Variants in KCNC3 observed in about 807,000 individuals in gnomAD.
KCNC3 encodes the protein voltage-gated potassium channel KCNC3.
In KCNC3, 22 loss-of-function variants were observed where a neutral mutation model predicts 43.9. The ratio of observed to expected loss-of-function variants is 0.50; its 90% CI spans 0.36 to 0.72. The LOEUF is 0.72. Among genes scored for constraint, KCNC3 ranks in the 30% least tolerant of loss-of-function variants. The pLI is 0.00. For synonymous variants in KCNC3, 492 were observed against 488.0 expected, an observed-to-expected ratio of 1.01 and a Z score of -0.11; for missense variants, 829 against 1,073.8, an observed-to-expected ratio of 0.77 and a Z score of 3.19.
chr19:50,320,533 T>TC lies in KCNC3; in HGVS notation c.2170+59dup, dbSNP rs2037016802. ...TCCTCCCCCATCCCCCTCTCCTCCC[T>TC]CCCCTGGGCAGGGGAGAGAGAGGGA... On this transcript the variant is annotated intron_variant, in intron 3 of 4. Transcript: ENST00000477616. 27 of 1,502,800 alleles carry TC rather than the reference T, an allele frequency of 1.8e-5. No homozygotes were observed. The South Asian group carries it at 3.0e-4, about 17-fold the overall frequency. The allele number at this position is 1,502,800 out of a possible 1,614,324, so 93.1% of individuals were successfully genotyped here.
At position 50,314,016 on chromosome 19, in the gene KCNC3, G is replaced by C. The variant is rs987497089; in HGVS notation, c.*2099C>G. On this transcript the variant is annotated 3_prime_UTR_variant, in exon 5 of 5. Transcript: ENST00000477616. ...CATGTCCTGGGAATGGAGGGAGATA[G>C]TCGGGGAATTTCGTGTGCTAGGGCC... is the stretch of plus-strand genomic sequence containing the variant. The C allele has an allele frequency of 6.6e-6, 1 of 152,176 alleles. No homozygotes were observed. The highest frequency in any genetic ancestry group is 2.4e-5 in the African/African-American group (1 of 41,370). 9.4% of individuals were successfully genotyped at this position (152,176 alleles called of 1,614,324 possible). A position where few individuals can be genotyped will look rare whatever the true frequency, so the allele number is the denominator to read the frequency against.
chr19:50,320,534 C>T, intron 3 of KCNC3, 59 bp downstream of exon 3: 1 of 1,521,868 alleles, frequency 6.6e-7, no homozygotes, highest in Non-Finnish European at 9.0e-7. Flanking sequence ...TCTCCTCCCT[C>T]CCCTGGGCAG....
intron 4 of KCNC3, among the ~76,000 whole-genome samples, chr19:50,317,284 G>A (rs1478208050): frequency 1.3e-5 from 2 of 152,084 alleles, no homozygotes; most frequent in African/African-American, 4.8e-5. Context: ...TAGGAGCCCG[G>A]AAGCCTGGGG....
intron 1 of KCNC3, among the ~76,000 whole-genome samples, chr19:50,326,921 G>GC (rs1467246563): frequency 7.4e-6 from 1 of 135,892 alleles, no homozygotes; most frequent in Admixed American, 7.4e-5. Context: ...GTTTTGCACG[G>GC]CGGGGGGGGA....
upstream of KCNC3, among the ~76,000 whole-genome samples, chr19:50,333,119 TC>T: frequency 6.6e-6 from 1 of 152,222 alleles, no homozygotes; most frequent in Non-Finnish European, 1.5e-5. Flanking sequence ...GTCCCCCGTC[TC>T]CAAAACTAGG....
At chr19:50,322,432 G>A (rs1601097135) in intron 2 of KCNC3, among the ~76,000 whole-genome samples, 1 of 151,938 alleles carries the variant, frequency 6.6e-6, no homozygotes, top group East Asian at 1.9e-4. Flanking sequence ...CTGCCTCTTG[G>A]GCTTGCTGTC....
At chr19:50,326,287 G>A (rs906902175) in intron 1 of KCNC3, among the ~76,000 whole-genome samples, 1 of 152,190 alleles carries the variant, frequency 6.6e-6, no homozygotes, top group Non-Finnish European at 1.5e-5. Context: ...CCTCATCTCA[G>A]CACCCTTCAA....
intron 1 of KCNC3, among the ~76,000 whole-genome samples, chr19:50,325,839 C>A (rs1211393110): frequency 6.6e-6 from 1 of 151,996 alleles, no homozygotes; most frequent in East Asian, 1.9e-4. Flanking sequence ...GCCTATTCAA[C>A]GCGCAGCCGC....
chr19:50,328,418 C>A lies in KCNC3; in HGVS notation c.665G>T (p.Gly222Val). The A allele has an allele frequency of 6.7e-7, 1 of 1,502,300 alleles. No homozygotes were observed. The highest frequency in any genetic ancestry group is 2.6e-5 in the East Asian group (1 of 38,014). 93.1% of individuals were successfully genotyped at this position (1,502,300 alleles called of 1,614,324 possible). Residue 222 changes from glycine (G) to valine (V), a missense_variant, in exon 1 of 5, where the codon GGA becomes GTA. This residue lies in a region of KCNC3 where 121 missense variants were observed against 247.4 expected (regional missense o/e 0.49). Transcript: ENST00000477616. ...NAANAAGAHD[G>V]GLDDEAGAGG... ...CGCGCCCGCCTCGTCGTCCAGGCCT[C>A]CGTCGTGGGCGCCTGCGGCGTTGGC...
chr19:50,333,518 C>G (rs2037210944), upstream of KCNC3: 1 of 201,754 alleles, frequency 5.0e-6, no homozygotes, highest in Non-Finnish European at 1.1e-5. Flanking sequence ...CGCGACCTGT[C>G]GCCTCCCACG....
intron 2 of KCNC3, 141 bp downstream of exon 2, chr19:50,322,834 C>G (rs564459663): frequency 1.3e-6 from 1 of 761,658 alleles, no homozygotes; most frequent in Admixed American, 2.9e-5. Flanking sequence ...CCTCCTTCTT[C>G]GCCTGAGCTC....
chr19:50,328,894 G>GCAGCCCGGGGCA lies in KCNC3; in HGVS notation c.188_189insTGCCCCGGGCTG (p.Asp63_Arg64insAlaProGlyCys). ...GCCCGGGGCATGGCTCGGCGCGCCGGTCCCCGGGCCCGCGGGGTGCCGGGG... is the reference window on the plus strand; with the variant it reads ...GCCCGGGGCATGGCTCGGCGCGCCGGCAGCCCGGGGCATCCCCGGGCCCGCGGGGTGCCGGGG... On this transcript the variant is annotated inframe_insertion, in exon 1 of 5. Coordinates refer to ENST00000477616, the MANE Select transcript of KCNC3 (RefSeq NM_004977.3). 1 of 992,650 alleles carries GCAGCCCGGGGCA rather than the reference G, an allele frequency of 1.0e-6. No individual in the cohort carries two copies. Among genetic ancestry groups the GCAGCCCGGGGCA allele is most frequent in the Non-Finnish European group, 1.2e-6 (1 of 830,164 alleles). 61.5% of individuals were successfully genotyped at this position (992,650 alleles called of 1,614,324 possible). A position where few individuals can be genotyped will look rare whatever the true frequency, so the allele number is the denominator to read the frequency against.
In KCNC3 at chr19:50,320,582, G is replaced by T; in HGVS notation, c.2170+11C>A. ...GAGGGTCCCAGGGGATCAGTAGGGGGGGCACCTCACCTTTTCGGATGGAGC... is the reference window on the plus strand; with the variant it reads ...GAGGGTCCCAGGGGATCAGTAGGGGTGGCACCTCACCTTTTCGGATGGAGC... On this transcript the variant is annotated intron_variant, in intron 3 of 4. Transcript: ENST00000477616. The T allele has an allele frequency of 6.2e-7, 1 of 1,609,044 alleles. No individual in the cohort carries two copies. The highest frequency in any genetic ancestry group is 8.5e-7 in the Non-Finnish European group (1 of 1,178,400).
upstream of KCNC3, among the ~76,000 whole-genome samples, chr19:50,330,083 A>G (rs532201430): frequency 9.2e-5 from 14 of 152,214 alleles, no homozygotes; most frequent in South Asian, 2.5e-3. Flanking sequence ...CCCGGCCAAA[A>G]TGGTGAAGCC....
intron 1 of KCNC3, 97 bp downstream of exon 1, chr19:50,328,116 A>T: frequency 1.1e-6 from 1 of 885,074 alleles, no homozygotes; most frequent in African/African-American, 2.1e-5. Flanking sequence ...AGAAGCCTAG[A>T]GGGACCCGGA....
Position 50,324,760 on chromosome 19 carries a change from C to A in KCNC3, c.871-678G>T, listed in dbSNP as rs1329313514. Among the ~76,000 whole-genome samples the A allele has an allele frequency of 6.6e-6, 1 of 152,068 alleles. No homozygotes were observed. The highest frequency in any genetic ancestry group is 1.5e-5 in the Non-Finnish European group (1 of 68,016). Reference sequence around the variant, plus strand: ...CAGTGCCTGGAACACAGTAAGAAGACCTGAGCTGTTGTTAGGGTATGCAGG... The same window carrying A: ...CAGTGCCTGGAACACAGTAAGAAGAACTGAGCTGTTGTTAGGGTATGCAGG... On this transcript the variant is annotated intron_variant, in intron 1 of 4. Transcript: ENST00000477616. The surrounding 1 kb of genome is among the most constrained non-coding windows in gnomAD (Gnocchi z 4.1).
rs2036942348 is a variant in KCNC3 at position 50,315,704 on chromosome 19, T to TG, written c.*410dup. On this transcript the variant is annotated 3_prime_UTR_variant, in exon 5 of 5. Transcript: ENST00000477616. ...AAGATTCTAAGGACGGGGTCGGGGG[T>TG]GGGGGGCGGTGAGGCGGAGGGCTGG... 1.9e-4 allele frequency: 2 copies of TG among 10,450 alleles called. No individual in the cohort carries two copies. The highest frequency in any genetic ancestry group is 8.1e-4 in the African/African-American group (2 of 2,468). 0.6% of individuals were successfully genotyped at this position (10,450 alleles called of 1,614,324 possible). A position where few individuals can be genotyped will look rare whatever the true frequency, so the allele number is the denominator to read the frequency against.
At chr19:50,318,159 T>TTTC (rs369929369) in intron 4 of KCNC3, among the ~76,000 whole-genome samples, 141 of 151,664 alleles carry the variant, frequency 9.3e-4, no homozygotes, top group Admixed American at 2.6e-3. Context: ...AATTGCTTCT[T>TTTC]TTCTTCTTCT....
chr19:50,313,727 G>C lies in KCNC3; in HGVS notation c.*2388C>G, dbSNP rs1012166196. Reference sequence around the variant, plus strand: ...GCGGAACAGGCCTGAGGCTTTGGGGGTGTCCAAGAAATGTCAGTTGTGGGA... The same window carrying C: ...GCGGAACAGGCCTGAGGCTTTGGGGCTGTCCAAGAAATGTCAGTTGTGGGA... On this transcript the variant is annotated 3_prime_UTR_variant, in exon 5 of 5. Coordinates refer to ENST00000477616, the MANE Select transcript of KCNC3 (RefSeq NM_004977.3). The C allele has an allele frequency of 6.6e-6, 1 of 152,232 alleles. No homozygotes were observed. Among genetic ancestry groups the C allele is most frequent in the African/African-American group, 2.4e-5 (1 of 41,436 alleles). The allele number at this position is 152,232 out of a possible 1,614,324, so 9.4% of individuals were successfully genotyped here.
Sources: gnomAD v4.1 joint callset for allele counts (sites outside exome capture counted in the v4.1 genomes callset) on GRCh38, gnomAD v4.1.1 for gene constraint, gnomAD v4.1.1 regional missense constraint, Gnocchi (gnomAD v3.1) non-coding constraint, MANE v1.5 for transcripts, NCBI Gene and HGNC (gene_info 2026-07-23, HGNC 2026-07-21) for gene names.